Variants in ODAD2 observed in about 807,000 individuals in gnomAD.
ODAD2 encodes outer dynein arm-docking complex subunit 2.
ODAD2 carries 89 observed loss-of-function variants against 106.8 expected under a neutral mutation model. The observed-to-expected ratio is 0.83, with a 90% CI of 0.70 to 0.99. The LOEUF is 0.99. Among genes scored for constraint, ODAD2 ranks in the 50% least tolerant of loss-of-function variants. The pLI is 0.00. For synonymous variants in ODAD2, 404 were observed against 436.2 expected (o/e 0.93, Z 0.92); for missense variants, 1,168 against 1,238.5 (o/e 0.94, Z 0.85).
At chr10:27,913,259 T>C (rs1212732799) in intron 16 of ODAD2, among the ~76,000 whole-genome samples, 1 of 152,024 alleles carries the variant, frequency 6.6e-6, no homozygotes, top group Non-Finnish European at 1.5e-5. Flanking sequence ...TGATAGGTAG[T>C]TTTTCGATCC....
At chr10:27,987,006 C>T (rs549619492) in intron 3 of ODAD2, among the ~76,000 whole-genome samples, 16 of 152,234 alleles carry the variant, frequency 1.1e-4, no homozygotes, top group African/African-American at 3.1e-4. Context: ...GGCAGTATGC[C>T]GAGAGAGAGT....
chr10:27,836,905 G>GTA (rs1837935432), intron 19 of ODAD2, among the ~76,000 whole-genome samples: 1 of 152,126 alleles, frequency 6.6e-6, no homozygotes, highest in Non-Finnish European at 1.5e-5. Flanking sequence ...AACCTAAAGA[G>GTA]TATAGCTCAG....
intron 10 of ODAD2, 72 bp from the exon 11 acceptor site, chr10:27,945,034 A>G: frequency 1.9e-6 from 3 of 1,556,028 alleles, no homozygotes; most frequent in Non-Finnish European, 2.6e-6. Flanking sequence ...AGTAGTTACG[A>G]ATCCATGAAC....
chr10:27,861,325 A>C (rs1840026542), intron 18 of ODAD2, among the ~76,000 whole-genome samples: 1 of 152,182 alleles, frequency 6.6e-6, no homozygotes, highest in African/African-American at 2.4e-5. Context: ...TCACCAACAG[A>C]CCAACGTTCA....
chr10:27,865,574 T>G (rs1840379385), intron 17 of ODAD2, among the ~76,000 whole-genome samples: 1 of 152,192 alleles, frequency 6.6e-6, no homozygotes, highest in South Asian at 2.1e-4. Context: ...TGCACATAGT[T>G]GTGGTTTCTT....
At chr10:27,892,755 C>G (rs897818982) in intron 17 of ODAD2, among the ~76,000 whole-genome samples, 1 of 152,180 alleles carries the variant, frequency 6.6e-6, no homozygotes, top group African/African-American at 2.4e-5. Context: ...ATCTTTATTT[C>G]TCTCAATTAT....
intron 2 of ODAD2, among the ~76,000 whole-genome samples, chr10:27,987,898 C>A (rs953917854): frequency 6.6e-6 from 1 of 150,528 alleles, no homozygotes; most frequent in African/African-American, 2.5e-5. Flanking sequence ...TCTGCAAAAC[C>A]CTTCATGCTT....
At chr10:27,909,317 T>TA (rs1331898769) in intron 16 of ODAD2, among the ~76,000 whole-genome samples, 2 of 152,072 alleles carry the variant, frequency 1.3e-5, no homozygotes, top group Non-Finnish European at 2.9e-5. Flanking sequence ...ATTTGCAATT[T>TA]AAAAAAAGGA....
chr10:27,938,592 CT>C (rs1475472851), intron 14 of ODAD2, among the ~76,000 whole-genome samples: 1 of 151,378 alleles, frequency 6.6e-6, no homozygotes, highest in East Asian at 1.9e-4. Context: ...TTGTATCTGT[CT>C]CTTCTTTTTT....
At chr10:27,967,573 T>C (rs1272709654) in intron 9 of ODAD2, among the ~76,000 whole-genome samples, 5 of 151,678 alleles carry the variant, frequency 3.3e-5, no homozygotes, top group East Asian at 1.9e-4. Flanking sequence ...CCTGCCAATA[T>C]GGTGGCAGAG....
At chr10:27,882,169 AAAAAAAAG>A (rs763419640) in intron 17 of ODAD2, among the ~76,000 whole-genome samples, 1,466 of 88,326 alleles carry the variant, frequency 0.017, 29 homozygotes, top group Middle Eastern at 0.097. Flanking sequence ...CCTTGTCATA[AAAAAAAAG>A]AAAGAAAGAA....
At chr10:27,820,086 G>C (rs1307612351) in intron 19 of ODAD2, among the ~76,000 whole-genome samples, 1 of 152,236 alleles carries the variant, frequency 6.6e-6, no homozygotes, top group East Asian at 1.9e-4. Flanking sequence ...GGCCTGGCCT[G>C]GTTAGTTTGG....
chr10:27,879,325 A>G (rs1841554440), intron 17 of ODAD2, among the ~76,000 whole-genome samples: 1 of 152,108 alleles, frequency 6.6e-6, no homozygotes, highest in African/African-American at 2.4e-5. Flanking sequence ...GAACTTTATA[A>G]CAAGTATAAG....
chr10:27,843,874 G>T (rs1838501200), intron 19 of ODAD2, among the ~76,000 whole-genome samples: 2 of 152,080 alleles, frequency 1.3e-5, no homozygotes, highest in Middle Eastern at 3.2e-3. Context: ...AAAGAATCTG[G>T]TTTAAACTTG....
At chr10:27,885,981 C>T (rs1202394429) in intron 17 of ODAD2, among the ~76,000 whole-genome samples, 1 of 141,296 alleles carries the variant, frequency 7.1e-6, no homozygotes, top group African/African-American at 2.6e-5. Context: ...GAAAAATTCA[C>T]TATAGGATAT....
chr10:27,884,976 G>A (rs1040196940), intron 17 of ODAD2, among the ~76,000 whole-genome samples: 27 of 152,184 alleles, frequency 1.8e-4, no homozygotes, highest in African/African-American at 6.3e-4. Context: ...GAGAGAAGTG[G>A]CTGTTTCTTT....
intron 7 of ODAD2, among the ~76,000 whole-genome samples, chr10:27,979,538 G>C (rs755383082): frequency 1.3e-5 from 2 of 151,630 alleles, no homozygotes; most frequent in Non-Finnish European, 2.9e-5. Flanking sequence ...AATTAGATCT[G>C]ATTTGATCAC....
chr10:27,985,215 C>CAAA lies in ODAD2; in HGVS notation c.383-5_383-4insTTT. The stretch of plus-strand genomic sequence containing the variant: ...TTTACTATGGGGTCTCTGTTAGCTG[C>CAAA]CAAAAAAAAAAAAAAGGAGACAAAT... On this transcript the variant is annotated splice_polypyrimidine_tract_variant and splice_region_variant and intron_variant, in intron 3 of 19. Transcript: ENST00000305242. 1.5e-5 allele frequency: 21 copies of CAAA among 1,364,828 alleles called. No homozygotes were observed. The East Asian group carries it at 1.8e-4, about 12-fold the overall frequency. The allele number at this position is 1,364,828 out of a possible 1,614,324, so 84.5% of individuals were successfully genotyped here.
intron 16 of ODAD2, among the ~76,000 whole-genome samples, chr10:27,917,614 C>G (rs1375485759): frequency 2.0e-5 from 3 of 151,870 alleles, no homozygotes; most frequent in Non-Finnish European, 4.4e-5. Flanking sequence ...AAATGGTAAA[C>G]CACTAAAGAA....
Sources: gnomAD v4.1 joint callset for allele counts (sites outside exome capture counted in the v4.1 genomes callset) on GRCh38, gnomAD v4.1.1 for gene constraint, MANE v1.5 for transcripts, NCBI Gene and HGNC (gene_info 2026-07-23, HGNC 2026-07-21) for gene names.